Variants in SGCD observed in about 807,000 individuals in gnomAD.
The protein encoded by SGCD is sarcoglycan delta.
A neutral mutation model predicts 36.6 loss-of-function variants in SGCD; 18 were observed. The ratio of observed to expected loss-of-function variants is 0.49; its 90% CI spans 0.34 to 0.73. The LOEUF (loss-of-function observed/expected upper bound fraction) is 0.73, where lower values mean the gene tolerates loss of function less well. Among genes scored for constraint, SGCD ranks in the 30% least tolerant of loss-of-function variants. SGCD has a pLI of 0.01. For synonymous variants in SGCD, 133 were observed against 130.6 expected (o/e 1.02, Z -0.12); for missense variants, 387 against 346.7 (o/e 1.12, Z -0.92).
intron 6 of SGCD, among the ~76,000 whole-genome samples, chr5:156,616,960 A>C (rs950366540): frequency 6.6e-6 from 1 of 152,186 alleles, no homozygotes; most frequent in Admixed American, 6.5e-5. Context: ...AATATCTACT[A>C]TCTGGCCCTT....
intron 3 of SGCD, among the ~76,000 whole-genome samples, chr5:156,482,816 T>TTTTTTG (rs1437877349): frequency 1.4e-5 from 2 of 140,828 alleles, no homozygotes; most frequent in Non-Finnish European, 3.1e-5. Context: ...TTGGTCAGTT[T>TTTTTTG]TTTTTTTTTT....
At chr5:156,242,878 G>C (rs943079116) in intron 3 of SGCD, among the ~76,000 whole-genome samples, 2 of 152,170 alleles carry the variant, frequency 1.3e-5, no homozygotes, top group Non-Finnish European at 2.9e-5. Context: ...GAACCTGAGA[G>C]GCAGATAGAG....
chr5:156,280,831 C>G (rs529778573), intron 3 of SGCD, among the ~76,000 whole-genome samples: 14 of 152,196 alleles, frequency 9.2e-5, no homozygotes, highest in African/African-American at 3.4e-4. Flanking sequence ...ACCCATTTTT[C>G]CTTTAATGCA....
chr5:156,694,244 A>T (rs972762727), intron 7 of SGCD, among the ~76,000 whole-genome samples: 1 of 152,184 alleles, frequency 6.6e-6, no homozygotes, highest in African/African-American at 2.4e-5. Flanking sequence ...TAATTTCCAG[A>T]GGAAGTGCTG....
intron 6 of SGCD, among the ~76,000 whole-genome samples, chr5:156,596,063 A>T (rs1760915558): frequency 6.6e-6 from 1 of 152,136 alleles, no homozygotes; most frequent in Admixed American, 6.5e-5. Flanking sequence ...TTTTCTGCTC[A>T]ATAAGGCTAA....
intron 6 of SGCD, among the ~76,000 whole-genome samples, chr5:156,606,102 A>G (rs1211734098): frequency 2.0e-5 from 3 of 152,148 alleles, no homozygotes; most frequent in Non-Finnish European, 4.4e-5. Context: ...TTGGTGTTTT[A>G]GACATGAAGT....
intron 1 of SGCD, among the ~76,000 whole-genome samples, chr5:155,878,164 AAAC>A (rs1383475459): frequency 6.6e-6 from 1 of 152,106 alleles, no homozygotes; most frequent in South Asian, 2.1e-4. Context: ...AATTACAGAA[AAAC>A]AACAACAACA....
chr5:156,140,724 A>C (rs1315027493), intron 3 of SGCD, among the ~76,000 whole-genome samples: 1 of 152,190 alleles, frequency 6.6e-6, no homozygotes, highest in Non-Finnish European at 1.5e-5. Context: ...AAATTTGGAA[A>C]ATTCTCAGCC....
chr5:156,042,864 A>C (rs1759671312), intron 1 of SGCD, among the ~76,000 whole-genome samples: 1 of 152,170 alleles, frequency 6.6e-6, no homozygotes, highest in South Asian at 2.1e-4. Context: ...ATTTATATCT[A>C]CACCTCAGCA....
intron 3 of SGCD, among the ~76,000 whole-genome samples, chr5:156,477,315 T>C (rs1755225129): frequency 6.6e-6 from 1 of 152,202 alleles, no homozygotes; most frequent in Non-Finnish European, 1.5e-5. Flanking sequence ...GTGAGGTTAT[T>C]CTTCCAAGTA....
At chr5:155,899,129 G>C (rs1455385579) in intron 1 of SGCD, among the ~76,000 whole-genome samples, 1 of 152,098 alleles carries the variant, frequency 6.6e-6, no homozygotes, top group African/African-American at 2.4e-5. Context: ...AAGAGAAAGA[G>C]GGAGATTTAT....
chr5:156,504,392 G>GTGTATATATATATATATATA (rs1413599402), intron 3 of SGCD, among the ~76,000 whole-genome samples: 5 of 75,098 alleles, frequency 6.7e-5, no homozygotes, highest in African/African-American at 7.7e-5. Context: ...GTGTGTGTGT[G>GTGTATATATATATATATATA]TATATATATA....
intron 6 of SGCD, among the ~76,000 whole-genome samples, chr5:156,606,091 T>G (rs1265612718): frequency 6.6e-6 from 1 of 152,220 alleles, no homozygotes; most frequent in African/African-American, 2.4e-5. Context: ...TGCCATTGCT[T>G]TTGGTGTTTT....
At chr5:156,357,007 A>G (rs575687481) in intron 3 of SGCD, among the ~76,000 whole-genome samples, 1 of 152,360 alleles carries the variant, frequency 6.6e-6, no homozygotes, top group Admixed American at 6.5e-5. Flanking sequence ...TAGAACTTTG[A>G]GAAAATTTAT....
intron 3 of SGCD, among the ~76,000 whole-genome samples, chr5:156,399,626 G>A (rs562238859): frequency 6.6e-5 from 10 of 152,220 alleles, no homozygotes; most frequent in Middle Eastern, 3.4e-3. Flanking sequence ...TTAAGACAAC[G>A]AAGACAAGAG....
intron 3 of SGCD, among the ~76,000 whole-genome samples, chr5:156,308,497 A>C (rs1011832554): frequency 2.0e-5 from 3 of 152,056 alleles, no homozygotes; most frequent in African/African-American, 4.8e-5. Flanking sequence ...ATGGGGTTTC[A>C]CCGTGTTAGC....
intron 3 of SGCD, among the ~76,000 whole-genome samples, chr5:156,221,306 T>A (rs1764711381): frequency 6.6e-6 from 1 of 152,116 alleles, no homozygotes; most frequent in South Asian, 2.1e-4. Context: ...ATGATAATAG[T>A]CAAGGAATAA....
rs10696253 is a variant in SGCD at position 155,996,863 on chromosome 5, GGATAGATA to G, written c.-281-120976_-281-120969del. ...TGGTAAATCTGATATCTGGATGGATGGATAGATAGATAGATAGATAGATAGATAGATAG... is the reference window on the plus strand; with the variant it reads ...TGGTAAATCTGATATCTGGATGGATGGATAGATAGATAGATAGATAGATAG... On this transcript the variant is annotated intron_variant, in intron 1 of 9. Transcript: ENST00000517913. Among the ~76,000 whole-genome samples the G allele has an allele frequency of 8.1e-3, 1,077 of 133,444 alleles. 5 individuals carry two copies. The highest frequency in any genetic ancestry group is 0.042 in the East Asian group (190 of 4,502). The allele number at this position is 133,444 out of a possible 152,430, so 87.5% of individuals were successfully genotyped here. A position where few individuals can be genotyped will look rare whatever the true frequency, so the allele number is the denominator to read the frequency against.
intron 1 of SGCD, among the ~76,000 whole-genome samples, chr5:156,040,884 T>C (rs1759616736): frequency 1.3e-5 from 2 of 152,164 alleles, no homozygotes; most frequent in South Asian, 4.1e-4. Flanking sequence ...AAGCCTCTAA[T>C]TTAGGAATGT....
Sources: allele counts gnomAD v4.1 joint callset (sites outside exome capture counted in the v4.1 genomes callset), GRCh38; gene constraint gnomAD v4.1.1; transcripts MANE v1.5; gene names NCBI Gene and HGNC (gene_info 2026-07-23, HGNC 2026-07-21).